The following ZNF800 variants were observed in gnomAD, a reference collection of about 807,000 sequenced individuals.
ZNF800 encodes the protein zinc finger protein 800.
Under a neutral mutation model 59.5 loss-of-function variants are expected in ZNF800, and 13 were observed. That is an observed-to-expected ratio of 0.22 (90% CI 0.14 to 0.35). The LOEUF (loss-of-function observed/expected upper bound fraction) is 0.35, where lower values mean the gene tolerates loss of function less well. Ranked by LOEUF, ZNF800 falls within the 10% of genes least tolerant of loss-of-function variation. The pLI, the probability that ZNF800 is intolerant of heterozygous loss-of-function variation, is 1.00. For synonymous variants in ZNF800, 266 were observed against 265.7 expected, an observed-to-expected ratio of 1.00 and a Z score of -0.01; for missense variants, 621 against 783.7, an observed-to-expected ratio of 0.79 and a Z score of 2.48.
intron 3 of ZNF800, among the ~76,000 whole-genome samples, chr7:127,384,335 G>A (rs950829950): frequency 2.2e-5 from 3 of 139,432 alleles, no homozygotes; most frequent in South Asian, 4.7e-4. Context: ...CCGGGTTCAC[G>A]CCATTCTCCT....
rs979793539 is a variant in ZNF800, at chr7:127,370,609, A to T, written c.*1205T>A. The T allele has an allele frequency of 3.3e-5, 5 of 152,556 alleles. No homozygotes were observed. Among genetic ancestry groups the T allele is most frequent in the African/African-American group, 1.2e-4 (5 of 41,464 alleles). 9.5% of individuals were successfully genotyped at this position (152,556 alleles called of 1,614,324 possible). ...ATATAGATGGACAGGGTCCCTCCTA[A>T]GTACAGGTGTGAACCTATATAAAAA... is the stretch of plus-strand genomic sequence containing the variant. On this transcript the variant is annotated 3_prime_UTR_variant, in exon 6 of 6. Transcript: ENST00000265827.
At chr7:127,366,467 G>A (rs1450410138), downstream of ZNF800, among the ~76,000 whole-genome samples, 1 of 152,070 alleles carries the variant, frequency 6.6e-6, no homozygotes, top group Non-Finnish European at 1.5e-5. Flanking sequence ...AAAACTTCAG[G>A]CTGTCTATGA....
At chr7:127,388,583 C>G (rs1234977405) in intron 2 of ZNF800, among the ~76,000 whole-genome samples, 5 of 146,338 alleles carry the variant, frequency 3.4e-5, no homozygotes, top group Admixed American at 7.0e-5. Flanking sequence ...CTTAGAGCTC[C>G]TGCATTTACA....
At chr7:127,361,076 A>G (rs1800384283) in intron 1 of ZNF800, 1 of 152,238 alleles carries the variant, frequency 6.6e-6, no homozygotes, top group Non-Finnish European at 1.5e-5. Flanking sequence ...AGTTGGGGAG[A>G]CCCAAATAAA....
At chr7:127,386,515 A>G (rs1801142868) in intron 2 of ZNF800, among the ~76,000 whole-genome samples, 1 of 152,230 alleles carries the variant, frequency 6.6e-6, no homozygotes, top group Non-Finnish European at 1.5e-5. Flanking sequence ...TTTAATCAAA[A>G]TTCTAAGGCA....
chr7:127,371,123 TTTAA>T lies in ZNF800; in HGVS notation c.*687_*690del, dbSNP rs930125147. 6.6e-6 allele frequency: 1 copy of T among 152,572 alleles called. No homozygotes were observed. Among genetic ancestry groups the T allele is most frequent in the African/African-American group, 2.4e-5 (1 of 41,448 alleles). 9.5% of individuals were successfully genotyped at this position (152,572 alleles called of 1,614,324 possible). ...AAATTTAAAGAAAAATAGGGGAATGTTTAATTTTCATAAAAACCTACATTTACAA... is the reference window on the plus strand; with the variant it reads ...AAATTTAAAGAAAAATAGGGGAATGTTTTTCATAAAAACCTACATTTACAA... On this transcript the variant is annotated 3_prime_UTR_variant, in exon 6 of 6. Transcript: ENST00000265827.
At position 127,372,633 on chromosome 7, in the gene ZNF800, C is replaced by T. The variant is rs555792577; in HGVS notation, c.1994+709G>A. On this transcript the variant is annotated intron_variant, in intron 5 of 5. Transcript: ENST00000265827. ...AAGTTTATTAAAAAGAGAGGGGAAG[C>T]ATTTGGGACCTAAATAAGCATTGTT... 46 of 984,838 alleles carry T rather than the reference C, an allele frequency of 4.7e-5. No homozygotes were observed. The African/African-American group carries it at 7.7e-4, about 16-fold the overall frequency. The allele number at this position is 984,838 out of a possible 1,614,324, so 61.0% of individuals were successfully genotyped here.
rs117560812 is a variant in ZNF800 at position 127,347,070 on chromosome 7, C to G, written n.1198G>C. 4.3e-3 allele frequency: 651 copies of G among 152,480 alleles called. 16 individuals are homozygous for G. The East Asian group carries it at 0.052, about 12-fold the overall frequency. 9.4% of individuals were successfully genotyped at this position (152,480 alleles called of 1,614,324 possible). A position where few individuals can be genotyped will look rare whatever the true frequency, so the allele number is the denominator to read the frequency against. ...GTATGCCTTGGGAAGGCAGGGGGAC[C>G]TGTCAGTCACTTCCGCTCCGTGGAG... On this transcript the variant is annotated non_coding_transcript_exon_variant, in exon 2 of 2. Transcript: ENST00000485577.
Position 127,377,379 on chromosome 7 carries a change from T to C in ZNF800, c.158-50A>G, listed in dbSNP as rs1393301272. On this transcript the variant is annotated intron_variant, in intron 3 of 5. Transcript: ENST00000265827. This position sits in a 1 kb window ranked among gnomAD's most constrained non-coding sequence, Gnocchi z 4.7. ...CTTAACACAAAAGGTAACTTTAACA[T>C]GCACTTTTAAACTGGACAACCACTG... is the stretch of plus-strand genomic sequence containing the variant. 2 of 1,513,476 alleles carry C rather than the reference T, an allele frequency of 1.3e-6. No individual in the cohort carries two copies. Among genetic ancestry groups the C allele is most frequent in the East Asian group, 4.5e-5 (2 of 44,130 alleles). 93.8% of individuals were successfully genotyped at this position (1,513,476 alleles called of 1,614,324 possible).
chr7:127,374,676 A>G lies in ZNF800; in HGVS notation c.660T>C (p.Thr220=), dbSNP rs1463701889. 1.2e-6 allele frequency: 2 copies of G among 1,613,982 alleles called. No individual in the cohort carries two copies. The highest frequency in any genetic ancestry group is 3.3e-5 in the Admixed American group (2 of 59,990). ...QPQESQADLE[T]SDNSDFGHQL... is the part of the protein sequence containing the mutation. ...GGTGACCAAAATCAGAATTGTCAGAAGTTTCCAAGTCAGCCTGCGACTCCT... is the reference window on the plus strand; with the variant it reads ...GGTGACCAAAATCAGAATTGTCAGAGGTTTCCAAGTCAGCCTGCGACTCCT... Residue 220 remains threonine, a synonymous_variant, in exon 5 of 6, where the codon ACT becomes ACC. Transcript: ENST00000265827.
rs1425988200 is a variant in ZNF800 at position 127,375,033 on chromosome 7, G to T, written c.303C>A (p.Asn101Lys). The change falls in exon 5 of 6, where the codon AAC becomes AAA. Residue 101 changes from asparagine (N) to lysine (K), a missense_variant and splice_region_variant. By Grantham distance (94) the Asn-to-Lys change is moderately conservative. Transcript: ENST00000265827. ...TTTGTTTATCATTTACATCAGGAAG[G>T]TCTGTTAAGGAAAAAACAACATTTT... The part of the protein sequence containing the change: ...YCPPSLQMDD[N>K]LPDVNDKQSQ... 1 of 1,550,900 alleles carries T rather than the reference G, an allele frequency of 6.4e-7. No homozygotes were observed. The highest frequency in any genetic ancestry group is 8.7e-7 in the Non-Finnish European group (1 of 1,153,790).
At chr7:127,385,652 C>T (rs1587453791) in intron 3 of ZNF800, among the ~76,000 whole-genome samples, 1 of 152,038 alleles carries the variant, frequency 6.6e-6, no homozygotes, top group Non-Finnish European at 1.5e-5. Context: ...AGGTAATTAA[C>T]CTAGAACAAA....
At chr7:127,366,356 C>T (rs893829438), downstream of ZNF800, among the ~76,000 whole-genome samples, 2 of 152,248 alleles carry the variant, frequency 1.3e-5, no homozygotes, top group Middle Eastern at 3.4e-3. Context: ...AAATCACCAA[C>T]TCAAACTATG....
At chr7:127,350,119 C>A (rs192965667) in intron 1 of ZNF800, 1 of 152,362 alleles carries the variant, frequency 6.6e-6, no homozygotes, top group Admixed American at 6.5e-5. Context: ...GATTTCCTCT[C>A]ATTCCTTTGC....
intron 2 of ZNF800, among the ~76,000 whole-genome samples, chr7:127,386,921 A>G (rs1460924233): frequency 6.6e-6 from 1 of 151,866 alleles, no homozygotes; most frequent in Non-Finnish European, 1.5e-5. Flanking sequence ...AGAAATATAT[A>G]AATTTAATAT....
Position 127,373,536 on chromosome 7 carries a change from A to C in ZNF800, c.1800T>G (p.Tyr600Ter). Residue 600 changes from tyrosine to a stop codon, truncating the protein, a stop_gained, in exon 5 of 6, where the codon TAT becomes TAG. Transcript: ENST00000265827. LOFTEE classifies it high-confidence loss of function. ...DGTSNSPSKK[Y>*]EVADVGIEVK... ...CTTCAATACCGACGTCAGCTACTTC[A>C]TACTTTTTACTAGGAGAGTTAGAAG... The C allele has an allele frequency of 6.2e-7, 1 of 1,614,160 alleles. No individual in the cohort carries two copies. The highest frequency in any genetic ancestry group is 8.5e-7 in the Non-Finnish European group (1 of 1,180,016).
Position 127,374,838 on chromosome 7 carries a change from G to T in ZNF800, c.498C>A (p.Thr166=), listed in dbSNP as rs932244462. The change falls in exon 5 of 6, where the codon ACC becomes ACA. Residue 166 remains threonine, a synonymous_variant. Transcript: ENST00000265827. ...VTESSSTPEQ[T]EVQIQETSTE... ...TGCTAGTTTCCTGTATCTGAACTTC[G>T]GTTTGTTCAGGAGTACTGCTTGACT... The T allele has an allele frequency of 6.2e-7, 1 of 1,613,412 alleles. No individual in the cohort carries two copies. Among genetic ancestry groups the T allele is most frequent in the Admixed American group, 1.7e-5 (1 of 59,900 alleles).
intron 1 of ZNF800, among the ~76,000 whole-genome samples, chr7:127,348,275 G>A (rs932653387): frequency 4.6e-5 from 7 of 151,974 alleles, no homozygotes; most frequent in African/African-American, 1.7e-4. Flanking sequence ...TTAGGAAAAT[G>A]TATCAAAACC....
rs1419003729 is a variant in ZNF800 at position 127,392,308 on chromosome 7, TC to T, written c.-308del. 7.8e-6 allele frequency: 3 copies of T among 386,528 alleles called. No individual in the cohort carries two copies. The highest frequency in any genetic ancestry group is 1.4e-5 in the Non-Finnish European group (3 of 218,320). 23.9% of individuals were successfully genotyped at this position (386,528 alleles called of 1,614,324 possible). A position where few individuals can be genotyped will look rare whatever the true frequency, so the allele number is the denominator to read the frequency against. ...ACTGCGGCGGCGGCTCACGGCGTCC[TC>T]CGCGCTGTGTGGCTAGGCGGGAGGC... is the stretch of plus-strand genomic sequence containing the variant. On this transcript the variant is annotated 5_prime_UTR_variant, in exon 1 of 6. Coordinates refer to ENST00000265827, the MANE Select transcript of ZNF800 (RefSeq NM_176814.5).
Sources: gnomAD v4.1 joint callset for allele counts (sites outside exome capture counted in the v4.1 genomes callset) on GRCh38, gnomAD v4.1.1 for gene constraint, Gnocchi (gnomAD v3.1) non-coding constraint, MANE v1.5 for transcripts, NCBI Gene and HGNC (gene_info 2026-07-23, HGNC 2026-07-21) for gene names.